The following PDGFD variants were observed in gnomAD, a reference collection of about 807,000 sequenced individuals.
PDGFD encodes the protein platelet-derived growth factor D.
In PDGFD, 30 loss-of-function variants were observed where a neutral mutation model predicts 44.7. That is an observed-to-expected ratio of 0.67 (90% CI 0.50 to 0.91). The LOEUF (loss-of-function observed/expected upper bound fraction) is 0.91, where lower values mean the gene tolerates loss of function less well. Among genes scored for constraint, PDGFD ranks in the 40% least tolerant of loss-of-function variants. The pLI is 0.00. For missense variants in PDGFD, 445 were observed against 457.8 expected, an observed-to-expected ratio of 0.97 and a Z score of 0.25; for synonymous variants, 173 against 168.4, an observed-to-expected ratio of 1.03 and a Z score of -0.21.
At chr11:103,996,376 C>T in intron 2 of PDGFD, 131 bp from the exon 3 acceptor site, 1 of 861,584 alleles carries the variant, frequency 1.2e-6, no homozygotes, top group Non-Finnish European at 1.8e-6. Context: ...TTATAATGTA[C>T]AGAAATGTTA....
At chr11:104,124,314 C>A (rs1157125769) in intron 1 of PDGFD, among the ~76,000 whole-genome samples, 2 of 152,032 alleles carry the variant, frequency 1.3e-5, no homozygotes, top group Non-Finnish European at 2.9e-5. Flanking sequence ...GAGGTATACT[C>A]CATTTAAGGC....
At chr11:104,034,404 C>T (rs772741502) in intron 1 of PDGFD, among the ~76,000 whole-genome samples, 5 of 152,042 alleles carry the variant, frequency 3.3e-5, no homozygotes, top group African/African-American at 4.8e-5. Context: ...GAGCAGTGAG[C>T]GAGACATAGT....
chr11:104,036,667 A>G, intron 1 of PDGFD: 2 of 645,624 alleles, frequency 3.1e-6, no homozygotes, highest in Non-Finnish European at 5.4e-6. Context: ...GCCCCCAGAC[A>G]GATGAGTGTC....
chr11:104,006,505 T>C (rs1226239445), intron 1 of PDGFD, among the ~76,000 whole-genome samples: 1 of 152,164 alleles, frequency 6.6e-6, no homozygotes, highest in Non-Finnish European at 1.5e-5. Flanking sequence ...GGCCCCACTC[T>C]CAAGCCTGGA....
chr11:104,119,803 A>G (rs1442152820), intron 1 of PDGFD, among the ~76,000 whole-genome samples: 1 of 117,044 alleles, frequency 8.5e-6, no homozygotes. Context: ...TATATATTAT[A>G]TATAATATAA....
At chr11:103,943,320 T>C (rs1313818033) in intron 5 of PDGFD, 132 bp downstream of exon 5, 3 of 837,506 alleles carry the variant, frequency 3.6e-6, no homozygotes, top group African/African-American at 1.7e-5. Context: ...TAAATGTAAA[T>C]GTTCCAAAAT....
chr11:104,028,211 G>C (rs1378111035), intron 1 of PDGFD, among the ~76,000 whole-genome samples: 1 of 132,444 alleles, frequency 7.6e-6, no homozygotes, highest in Non-Finnish European at 1.6e-5. Context: ...AAAAAAAAAA[G>C]CATAGCATGG....
intron 6 of PDGFD, among the ~76,000 whole-genome samples, chr11:103,916,513 T>C (rs1416247630): frequency 6.6e-6 from 1 of 152,206 alleles, no homozygotes; most frequent in Non-Finnish European, 1.5e-5. Context: ...GTTCAACCAT[T>C]GTGGAAGACA....
intron 3 of PDGFD, among the ~76,000 whole-genome samples, chr11:103,955,881 CATT>C (rs1475628505): frequency 1.3e-5 from 2 of 151,962 alleles, no homozygotes; most frequent in African/African-American, 4.8e-5. Context: ...TTTCATTTAT[CATT>C]ATTGACAATC....
chr11:104,037,521 G>C, intron 1 of PDGFD: 2 of 1,614,142 alleles, frequency 1.2e-6, no homozygotes, highest in Admixed American at 1.7e-5. Flanking sequence ...CGATAGAAGA[G>C]GCCCCCGAGA....
chr11:104,060,422 C>G (rs1860694408), intron 1 of PDGFD, among the ~76,000 whole-genome samples: 1 of 152,072 alleles, frequency 6.6e-6, no homozygotes, highest in East Asian at 1.9e-4. Context: ...TTATACTGGG[C>G]CTGGGTACAC....
At chr11:103,970,538 T>C (rs1859088401) in intron 3 of PDGFD, among the ~76,000 whole-genome samples, 1 of 152,134 alleles carries the variant, frequency 6.6e-6, no homozygotes, top group Non-Finnish European at 1.5e-5. Context: ...GCAAGTACTT[T>C]AATATAAGAT....
intron 1 of PDGFD, among the ~76,000 whole-genome samples, chr11:104,061,450 G>A (rs113259749): frequency 1.4e-3 from 218 of 151,926 alleles, no homozygotes; most frequent in African/African-American, 4.6e-3. Context: ...GGGAGGGAGC[G>A]GGCAAAAAAG....
chr11:103,951,249 A>G (rs1340322282), intron 3 of PDGFD, among the ~76,000 whole-genome samples: 1 of 152,208 alleles, frequency 6.6e-6, no homozygotes, highest in African/African-American at 2.4e-5. Context: ...CCTTATAAAA[A>G]TAAAACACCG....
chr11:104,150,466 T>C (rs1294668492), intron 1 of PDGFD, among the ~76,000 whole-genome samples: 1 of 152,206 alleles, frequency 6.6e-6, no homozygotes, highest in Non-Finnish European at 1.5e-5. Flanking sequence ...TCCTTATTTA[T>C]ATCAAAGACC....
At chr11:104,021,014 T>G (rs1302254141) in intron 1 of PDGFD, among the ~76,000 whole-genome samples, 2 of 152,188 alleles carry the variant, frequency 1.3e-5, no homozygotes. Context: ...CATTGACAAT[T>G]TCTTGCTCCA....
intron 1 of PDGFD, among the ~76,000 whole-genome samples, chr11:104,080,510 G>A (rs1053481738): frequency 1.3e-5 from 2 of 152,278 alleles, no homozygotes; most frequent in Middle Eastern, 3.4e-3. Context: ...CTGAATTGGA[G>A]AGATTTGACA....
At position 104,119,369 on chromosome 11, in the gene PDGFD, TATATTG is replaced by T. The variant is rs368843196; in HGVS notation, c.124+44429_124+44434del. ...TATAATATATAATATATTGATATAA[TATATTG>T]ATATAATATATAATATGATATAATA... On this transcript the variant is annotated intron_variant, in intron 1 of 6. Coordinates refer to ENST00000393158, the MANE Select transcript of PDGFD (RefSeq NM_025208.5). Among the ~76,000 whole-genome samples the T allele has an allele frequency of 4.4e-3, 64 of 14,694 alleles. 22 individuals carry two copies. Among genetic ancestry groups the T allele is most frequent in the Admixed American group, 0.014 (9 of 650 alleles). 9.6% of individuals were successfully genotyped at this position (14,694 alleles called of 152,430 possible). A position where few individuals can be genotyped will look rare whatever the true frequency, so the allele number is the denominator to read the frequency against.
At chr11:104,022,760 T>C (rs1859981520) in intron 1 of PDGFD, among the ~76,000 whole-genome samples, 1 of 152,066 alleles carries the variant, frequency 6.6e-6, no homozygotes, top group South Asian at 2.1e-4. Flanking sequence ...TGTACATATA[T>C]ATGTGTATAT....
Sources: gnomAD v4.1 joint callset for allele counts (sites outside exome capture counted in the v4.1 genomes callset) on GRCh38, gnomAD v4.1.1 for gene constraint, MANE v1.5 for transcripts, NCBI Gene and HGNC (gene_info 2026-07-23, HGNC 2026-07-21) for gene names.